Variants in SLC22A25 observed in about 807,000 individuals in gnomAD.
SLC22A25 encodes the protein solute carrier family 22 member 25.
In SLC22A25, 44 loss-of-function variants were observed where a neutral mutation model predicts 45.9. The ratio of observed to expected loss-of-function variants is 0.96; its 90% CI spans 0.75 to 1.23. SLC22A25 has a LOEUF of 1.23. SLC22A25 is among the 50% of genes most tolerant of loss of function. The pLI is 0.00. For missense variants in SLC22A25, 800 were observed against 666.4 expected (o/e 1.20, Z -2.21); for synonymous variants, 283 against 238.6 (o/e 1.19, Z -1.72).
intron 7 of SLC22A25, among the ~76,000 whole-genome samples, chr11:63,212,901 TTGA>T (rs1367214424): frequency 6.6e-6 from 1 of 152,118 alleles, no homozygotes; most frequent in African/African-American, 2.4e-5. Flanking sequence ...TTACAATACA[TTGA>T]TGATTTGTTA....
chr11:63,193,769 G>T (rs1444435289), intron 7 of SLC22A25, among the ~76,000 whole-genome samples: 1 of 152,212 alleles, frequency 6.6e-6, no homozygotes, highest in African/African-American at 2.4e-5. Context: ...CCAAAGGACT[G>T]CAGCTCCCTG....
chr11:63,164,677 A>T lies in SLC22A25; in HGVS notation c.1286-43T>A, dbSNP rs1939763. The T allele has an allele frequency of 4.2e-3, 6,221 of 1,493,052 alleles. 213 individuals are homozygous for T. The African/African-American group carries it at 0.073, about 18-fold the overall frequency. The allele number at this position is 1,493,052 out of a possible 1,614,324, so 92.5% of individuals were successfully genotyped here. On this transcript the variant is annotated intron_variant, in intron 10 of 11. Transcript: ENST00000306494. ...ACAGGGCCTCAGGAAATCTGAGCTG[A>T]AGGAATCAGCATCTCCCAAGGTAGA...
At chr11:63,212,195 T>C (rs2089587223) in intron 7 of SLC22A25, among the ~76,000 whole-genome samples, 1 of 146,578 alleles carries the variant, frequency 6.8e-6, no homozygotes, top group African/African-American at 2.5e-5. Flanking sequence ...TGTGGAGAAA[T>C]AGGAACACTT....
chr11:63,174,412 C>T (rs1225241201), intron 9 of SLC22A25, among the ~76,000 whole-genome samples: 1 of 152,134 alleles, frequency 6.6e-6, no homozygotes. Context: ...ACCACAATGG[C>T]ATATGCCAGT....
chr11:63,220,942 C>T (rs996397305), intron 5 of SLC22A25, among the ~76,000 whole-genome samples: 4 of 152,136 alleles, frequency 2.6e-5, no homozygotes, highest in Admixed American at 2.0e-4. Context: ...CATGTTGTTG[C>T]AAATGACAAG....
At chr11:63,174,635 C>A (rs1431448729) in intron 9 of SLC22A25, among the ~76,000 whole-genome samples, 1 of 152,118 alleles carries the variant, frequency 6.6e-6, no homozygotes, top group East Asian at 1.9e-4. Context: ...CTCAAAACAC[C>A]TATTTACTTT....
chr11:63,211,990 A>G (rs1421677477), intron 7 of SLC22A25, among the ~76,000 whole-genome samples: 1 of 152,038 alleles, frequency 6.6e-6, no homozygotes, highest in Non-Finnish European at 1.5e-5. Context: ...AAACAACCCC[A>G]TCAAAAAGTG....
At position 63,163,069 on chromosome 11, in the gene SLC22A25, C is replaced by T. The variant is rs924902958; in HGVS notation, c.*755G>A. ...TCTTTAGGACATACTGATTCTTTGC[C>T]CACTAGCTTTAATAAAAAACATGCC... On this transcript the variant is annotated 3_prime_UTR_variant, in exon 12 of 12. Coordinates refer to ENST00000306494, the MANE Select transcript of SLC22A25 (RefSeq NM_199352.6). Among the ~76,000 whole-genome samples, 1 of 152,092 alleles carries T rather than the reference C, an allele frequency of 6.6e-6. No homozygotes were observed. The highest frequency in any genetic ancestry group is 1.5e-5 in the Non-Finnish European group (1 of 68,028).
intron 7 of SLC22A25, among the ~76,000 whole-genome samples, chr11:63,202,633 T>C (rs1337549509): frequency 1.3e-5 from 2 of 152,178 alleles, no homozygotes; most frequent in South Asian, 4.1e-4. Flanking sequence ...AGGGCATCTC[T>C]AAAAGAAAGG....
Position 63,159,262 on chromosome 11 carries a change from G to C in SLC22A25, c.*4562C>G, listed in dbSNP as rs1368679930. On this transcript the variant is annotated 3_prime_UTR_variant, in exon 12 of 12. Transcript: ENST00000306494. ...TTGATATACTTATTTCCTTTCTTTT[G>C]GGTATATGCCTTTGATATGATTTGG... 1.3e-5 allele frequency among the ~76,000 whole-genome samples: 2 copies of C among 152,050 alleles called. No individual in the cohort carries two copies. Among genetic ancestry groups the C allele is most frequent in the East Asian group, 3.8e-4 (2 of 5,202 alleles).
intron 5 of SLC22A25, among the ~76,000 whole-genome samples, chr11:63,222,736 T>G (rs2089879429): frequency 6.6e-6 from 1 of 152,060 alleles, no homozygotes; most frequent in Non-Finnish European, 1.5e-5. Flanking sequence ...TTTCCCCATT[T>G]CATGTGATAC....
At chr11:63,183,177 T>G (rs181101062) in intron 8 of SLC22A25, among the ~76,000 whole-genome samples, 8 of 152,206 alleles carry the variant, frequency 5.3e-5, no homozygotes, top group African/African-American at 1.4e-4. Context: ...CATACAAATA[T>G]AGATTTGGAC....
At chr11:63,195,867 A>C (rs931466284) in intron 7 of SLC22A25, among the ~76,000 whole-genome samples, 6 of 152,210 alleles carry the variant, frequency 3.9e-5, no homozygotes, top group African/African-American at 1.4e-4. Context: ...AGGACTAATA[A>C]AGAAGAAAAG....
intron 9 of SLC22A25, among the ~76,000 whole-genome samples, chr11:63,176,212 G>A (rs1009934384): frequency 6.6e-6 from 1 of 151,908 alleles, no homozygotes; most frequent in African/African-American, 2.4e-5. Flanking sequence ...AAATTTGTAT[G>A]GTTCCCATAG....
chr11:63,180,819 A>G (rs747141175), intron 8 of SLC22A25, 44 bp from the exon 9 acceptor site: 1 of 1,419,096 alleles, frequency 7.0e-7, no homozygotes, highest in African/African-American at 1.4e-5. Context: ...TTGTCACAAA[A>G]TGGTAGGCAT....
At chr11:63,165,492 T>C (rs1019846396) in intron 10 of SLC22A25, among the ~76,000 whole-genome samples, 1 of 152,224 alleles carries the variant, frequency 6.6e-6, no homozygotes, top group Non-Finnish European at 1.5e-5. Flanking sequence ...GTCTCCTTCC[T>C]ACTGGACATT....
intron 7 of SLC22A25, among the ~76,000 whole-genome samples, chr11:63,190,337 C>T (rs539130617): frequency 5.3e-5 from 8 of 152,166 alleles, no homozygotes; most frequent in Admixed American, 3.9e-4. Flanking sequence ...TTGATTGAAT[C>T]GGCTACTGAG....
At chr11:63,188,092 A>G (rs1458592115) in intron 7 of SLC22A25, among the ~76,000 whole-genome samples, 1 of 152,182 alleles carries the variant, frequency 6.6e-6, no homozygotes, top group Admixed American at 6.5e-5. Context: ...CTTTTCTTCT[A>G]CTGATTGGAA....
chr11:63,181,244 G>A (rs114742938), intron 8 of SLC22A25, among the ~76,000 whole-genome samples: 2,360 of 152,076 alleles, frequency 0.016, 59 homozygotes, highest in African/African-American at 0.054. Flanking sequence ...TGGAGGTTTG[G>A]GAGTGGGGTA....
Sources: allele counts gnomAD v4.1 joint callset (sites outside exome capture counted in the v4.1 genomes callset), GRCh38; gene constraint gnomAD v4.1.1; transcripts MANE v1.5; gene names NCBI Gene and HGNC (gene_info 2026-07-23, HGNC 2026-07-21).